BNC2: variants seen among roughly 807,000 people sequenced by gnomAD.
BNC2 encodes zinc finger protein basonuclin-2.
BNC2 carries 20 observed loss-of-function variants against 76.3 expected under a neutral mutation model. That is an observed-to-expected ratio of 0.26 (90% CI 0.18 to 0.38). BNC2 has a LOEUF of 0.38. Ranked by LOEUF, BNC2 falls within the 10% of genes least tolerant of loss-of-function variation. BNC2 has a pLI of 1.00. For missense variants in BNC2, 1,382 were observed against 1,399.8 expected, an observed-to-expected ratio of 0.99 and a Z score of 0.20; for synonymous variants, 582 against 514.8, an observed-to-expected ratio of 1.13 and a Z score of -1.77.
chr9:16,697,162 C>G lies in BNC2; in HGVS notation c.330+30635G>C, dbSNP rs1035621836. On this transcript the variant is annotated intron_variant, in intron 3 of 6. Coordinates refer to ENST00000380672, the MANE Select transcript of BNC2 (RefSeq NM_017637.6). ...GATCACGAGGTCAGGATTTCGAGAC[C>G]AGCCTAGCTAATATGGTGAAACCCT... Among the ~76,000 whole-genome samples the G allele has an allele frequency of 4.7e-5, 7 of 149,454 alleles. No individual in the cohort carries two copies. In the South Asian group the frequency reaches 1.5e-3, roughly 32 times the overall value.
rs185963941 is a variant in BNC2, at chr9:16,783,448, T to C, written c.4-44963A>G. Among the ~76,000 whole-genome samples, 269 of 152,308 alleles carry C rather than the reference T, an allele frequency of 1.8e-3. 1 individual carries two copies. Among genetic ancestry groups the C allele is most frequent in the Middle Eastern group, 6.8e-3 (2 of 294 alleles). On this transcript the variant is annotated intron_variant, in intron 1 of 6. Transcript: ENST00000380672. ...ATGCTGAAGAGATAAATTATGCAAA[T>C]CACAATGGTTTATGCTTATGTTATA...
At chr9:16,652,240 T>C (rs985572142) in intron 3 of BNC2, among the ~76,000 whole-genome samples, 1 of 152,220 alleles carries the variant, frequency 6.6e-6, no homozygotes, top group East Asian at 1.9e-4. Flanking sequence ...TGTTTTCAGA[T>C]AATAGCACTT....
chr9:16,588,099 C>G (rs1013952751), intron 3 of BNC2, among the ~76,000 whole-genome samples: 5 of 152,132 alleles, frequency 3.3e-5, no homozygotes, highest in African/African-American at 1.2e-4. Flanking sequence ...TCTCTGAGCC[C>G]GCTTCCTCAT....
intron 5 of BNC2, among the ~76,000 whole-genome samples, chr9:16,512,391 A>T (rs958276499): frequency 6.6e-6 from 1 of 152,164 alleles, no homozygotes; most frequent in Non-Finnish European, 1.5e-5. Flanking sequence ...AATCAAACTG[A>T]TGAGAGCTTG....
Position 16,552,753 on chromosome 9 carries a change from A to C in BNC2, c.446T>G (p.Leu149Arg). 1 of 1,614,080 alleles carries C rather than the reference A, an allele frequency of 6.2e-7. No individual in the cohort carries two copies. The highest frequency in any genetic ancestry group is 8.5e-7 in the Non-Finnish European group (1 of 1,180,014). Residue 149 changes from leucine (L) to arginine (R), a missense_variant, in exon 5 of 7, where the codon CTC (leucine) becomes CGC (arginine). Leu to Arg is a moderately radical substitution (Grantham distance 102). Transcript: ENST00000380672. ...HGWVAHALDK[L>R]STQHLYHPTQ... ...GGGGTGGTACAGGTGCTGCGTGCTG[A>C]GCTTATCCAAGGCTGTGGTGGTCCC...
chr9:16,435,075 T>C (rs901777105), intron 6 of BNC2: 2 of 471,538 alleles, frequency 4.2e-6, no homozygotes, highest in Non-Finnish European at 8.8e-6. Context: ...GACCTATGGT[T>C]CTTTCCATCC....
chr9:16,628,631 G>T (rs531748345), intron 3 of BNC2, among the ~76,000 whole-genome samples: 1 of 152,088 alleles, frequency 6.6e-6, no homozygotes, highest in African/African-American at 2.4e-5. Flanking sequence ...AAACACACAC[G>T]CAGAGCAATT....
chr9:16,855,929 T>C (rs575737680), intron 1 of BNC2, among the ~76,000 whole-genome samples: 5 of 152,288 alleles, frequency 3.3e-5, no homozygotes, highest in Admixed American at 2.0e-4. Flanking sequence ...ATTCCATATA[T>C]AGTAAGTAAA....
intron 3 of BNC2, among the ~76,000 whole-genome samples, chr9:16,644,646 G>GA (rs1234402939): frequency 6.6e-6 from 1 of 152,096 alleles, no homozygotes; most frequent in African/African-American, 2.4e-5. Context: ...AAGATGAAAG[G>GA]AAAGATGTAA....
chr9:16,465,506 G>A (rs1016560045), intron 5 of BNC2, among the ~76,000 whole-genome samples: 1 of 150,166 alleles, frequency 6.7e-6, no homozygotes, highest in Non-Finnish European at 1.5e-5. Flanking sequence ...CTGAACAGAT[G>A]CCAACATGCC....
chr9:16,645,679 T>C (rs1237675538), intron 3 of BNC2, among the ~76,000 whole-genome samples: 1 of 152,154 alleles, frequency 6.6e-6, no homozygotes, highest in African/African-American at 2.4e-5. Flanking sequence ...AGCTAGCAAG[T>C]GGGAATAATA....
chr9:16,498,015 G>GTGTGTGTGTGTA (rs1554653664), intron 5 of BNC2, among the ~76,000 whole-genome samples: 1 of 140,526 alleles, frequency 7.1e-6, no homozygotes, highest in Non-Finnish European at 1.5e-5. Flanking sequence ...GTGTGTGTGT[G>GTGTGTGTGTGTA]TGTATGTATT....
rs969850076 is a variant in BNC2 at position 16,437,286 on chromosome 9, T to A, written c.908A>T (p.Asn303Ile). The change falls in exon 6 of 7, where the codon AAC becomes ATC. Residue 303 changes from asparagine to isoleucine, a missense_variant. By Grantham distance (149) the Asn-to-Ile change is moderately radical. Coordinates refer to ENST00000380672, the MANE Select transcript of BNC2 (RefSeq NM_017637.6). ...GTGATGAATGCTGGAAGGATTGCTG[T>A]TCTCTAAGTGAGCAAGGAGGCTGGG... ...RSPSLLAHLE[N>I]SNPSSIHHFE... is the part of the protein sequence containing the mutation. The A allele has an allele frequency of 2.5e-6, 4 of 1,614,172 alleles. No homozygotes were observed. Among genetic ancestry groups the A allele is most frequent in the Non-Finnish European group, 3.4e-6 (4 of 1,180,018 alleles).
At chr9:16,740,383 T>C (rs952023715) in intron 1 of BNC2, among the ~76,000 whole-genome samples, 6 of 152,216 alleles carry the variant, frequency 3.9e-5, no homozygotes, top group African/African-American at 1.4e-4. Flanking sequence ...AACTCTAGTC[T>C]TCAGATGTGT....
chr9:16,422,731 A>G lies in BNC2; in HGVS notation c.2640-3082T>C, dbSNP rs1409315449. On this transcript the variant is annotated intron_variant, in intron 6 of 6. Transcript: ENST00000380672. ...AAGGAAAGCACGAGAAGGAAAGCAGACTAAAATTCTTTAGAGGGTACCGAT... is the reference window on the plus strand; with the variant it reads ...AAGGAAAGCACGAGAAGGAAAGCAGGCTAAAATTCTTTAGAGGGTACCGAT... 2.6e-5 allele frequency among the ~76,000 whole-genome samples: 4 copies of G among 152,190 alleles called. No homozygotes were observed. The East Asian group carries it at 7.7e-4, about 29-fold the overall frequency.
intron 1 of BNC2, among the ~76,000 whole-genome samples, chr9:16,793,632 T>TA: frequency 7.0e-6 from 1 of 142,630 alleles, no homozygotes; most frequent in Admixed American, 7.1e-5. Context: ...CCCAAAGGGG[T>TA]ACTTGCCTTC....
At chr9:16,589,282 C>T (rs1819856931) in intron 3 of BNC2, among the ~76,000 whole-genome samples, 1 of 151,530 alleles carries the variant, frequency 6.6e-6, no homozygotes, top group Non-Finnish European at 1.5e-5. Flanking sequence ...GCCTCTTGGG[C>T]TCAAACAATC....
chr9:16,712,701 G>C (rs1233430932), intron 3 of BNC2, among the ~76,000 whole-genome samples: 1 of 152,174 alleles, frequency 6.6e-6, no homozygotes, highest in Non-Finnish European at 1.5e-5. Flanking sequence ...AAATACACTT[G>C]AGACAGCTTG....
In BNC2 at chr9:16,586,176, G is replaced by A. The variant is rs373689666; in HGVS notation, c.331-3091C>T. Among the ~76,000 whole-genome samples, 13 of 152,004 alleles carry A rather than the reference G, an allele frequency of 8.6e-5. 2 individuals carry two copies. In the South Asian group the frequency reaches 2.7e-3, roughly 32 times the overall value. ...AGCTTGGTCTTGTTCCGAGTGCCCA[G>A]AAGAGGGTTGGAGGCTCTCAGACAT... On this transcript the variant is annotated intron_variant, in intron 3 of 6. Coordinates refer to ENST00000380672, the MANE Select transcript of BNC2 (RefSeq NM_017637.6).
Sources: gnomAD v4.1 joint callset for allele counts (sites outside exome capture counted in the v4.1 genomes callset) on GRCh38, gnomAD v4.1.1 for gene constraint, MANE v1.5 for transcripts, NCBI Gene and HGNC (gene_info 2026-07-23, HGNC 2026-07-21) for gene names.